MYZAP: variants seen among roughly 807,000 people sequenced by gnomAD.
MYZAP encodes the protein GRINL1A complex locus upstream.
A neutral mutation model predicts 69.4 loss-of-function variants in MYZAP; 66 were observed. The ratio of observed to expected loss-of-function variants is 0.95; its 90% CI spans 0.78 to 1.17. MYZAP has a LOEUF of 1.17. Among genes scored for constraint, MYZAP ranks in the 50% most tolerant of loss-of-function variants. The pLI is 0.00. For synonymous variants in MYZAP, 256 were observed against 205.9 expected (o/e 1.24, Z -2.09); for missense variants, 611 against 556.2 (o/e 1.10, Z -0.99).
intron 10 of MYZAP, chr15:57,648,612 T>C (rs1364425014): frequency 3.6e-6 from 1 of 276,730 alleles, no homozygotes; most frequent in Non-Finnish European, 5.5e-6. Flanking sequence ...ATGATGGTGC[T>C]GCACTACAGA....
At chr15:57,619,226 A>T (rs1405436816) in intron 3 of MYZAP, among the ~76,000 whole-genome samples, 3 of 152,272 alleles carry the variant, frequency 2.0e-5, no homozygotes, top group Non-Finnish European at 4.4e-5. Context: ...TTTAAAAAAT[A>T]ATAAATGCTT....
In MYZAP at chr15:57,637,762, C is replaced by G. The variant is rs765286776; in HGVS notation, c.1001C>G (p.Ser334Cys). Residue 334 changes from serine to cysteine, a missense_variant, in exon 9 of 13, where the codon TCT becomes TGT. Coordinates refer to ENST00000267853, the MANE Select transcript of MYZAP (RefSeq NM_001018100.5). The part of the protein sequence containing the change: ...ETEMSGELTD[S>C]DKERYQQLEE... ...GAAATGTCTGGGGAGTTAACTGATT[C>G]TGACAAGGAAAGGTAAGACGTAATG... is the stretch of plus-strand genomic sequence containing the variant. 1.2e-6 allele frequency: 2 copies of G among 1,610,846 alleles called. No homozygotes were observed. Among genetic ancestry groups the G allele is most frequent in the African/African-American group, 1.3e-5 (1 of 74,888 alleles).
Position 57,613,605 on chromosome 15 carries a change from A to AAGCAATCTGCCTGCCTTGGCCTCC in MYZAP, c.163-4427_163-4404dup, listed in dbSNP as rs533107752. 1.8e-3 allele frequency among the ~76,000 whole-genome samples: 278 copies of AAGCAATCTGCCTGCCTTGGCCTCC among 151,448 alleles called. 3 individuals are homozygous for AAGCAATCTGCCTGCCTTGGCCTCC. The highest frequency in any genetic ancestry group is 6.5e-3 in the African/African-American group (270 of 41,272). ...AGGCTGGTCTCAAATGCTTGGACTC[A>AAGCAATCTGCCTGCCTTGGCCTCC]AGCAATCTGCCTGCCTTGGCCTCCC... On this transcript the variant is annotated intron_variant, in intron 2 of 12. Coordinates refer to ENST00000267853, the MANE Select transcript of MYZAP (RefSeq NM_001018100.5).
intron 2 of MYZAP, among the ~76,000 whole-genome samples, chr15:57,611,140 C>T (rs1185171593): frequency 6.6e-6 from 1 of 152,142 alleles, no homozygotes; most frequent in Non-Finnish European, 1.5e-5. Context: ...GTGTTTTATT[C>T]TGTGTATTCT....
chr15:57,607,124 G>A (rs1299432349), intron 2 of MYZAP, among the ~76,000 whole-genome samples: 1 of 152,192 alleles, frequency 6.6e-6, no homozygotes, highest in African/African-American at 2.4e-5. Context: ...AACACTTTTT[G>A]AAGAAGTGGC....
chr15:57,644,097 G>A (rs1220482873), intron 10 of MYZAP, among the ~76,000 whole-genome samples: 1 of 152,196 alleles, frequency 6.6e-6, no homozygotes, highest in Non-Finnish European at 1.5e-5. Context: ...TGAGCATTGG[G>A]TTTTGTTTCG....
intron 10 of MYZAP, among the ~76,000 whole-genome samples, chr15:57,640,638 T>C (rs1354911458): frequency 1.3e-5 from 2 of 152,192 alleles, no homozygotes; most frequent in African/African-American, 4.8e-5. Context: ...TTGGGGATAT[T>C]AATGTTGGGG....
chr15:57,639,457 A>G lies in MYZAP; in HGVS notation c.1031A>G (p.Glu344Gly). The G allele has an allele frequency of 6.2e-7, 1 of 1,613,936 alleles. No homozygotes were observed. The highest frequency in any genetic ancestry group is 8.5e-7 in the Non-Finnish European group (1 of 1,179,940). ...TGTGTTAGGTATCAGCAGTTGGAGG[A>G]GGCATCAGCCAGCCTCCGTGAGCGG... The part of the protein sequence containing the change: ...SDKERYQQLE[E>G]ASASLRERIR... Residue 344 changes from glutamate (E) to glycine (G), a missense_variant, in exon 10 of 13, where the codon GAG becomes GGG. Glu to Gly is a moderately conservative substitution (Grantham distance 98, BLOSUM62 -2). Coordinates refer to ENST00000267853, the MANE Select transcript of MYZAP (RefSeq NM_001018100.5).
chr15:57,606,289 G>C (rs1595857877), intron 2 of MYZAP, among the ~76,000 whole-genome samples: 1 of 152,114 alleles, frequency 6.6e-6, no homozygotes, highest in African/African-American at 2.4e-5. Context: ...TCACCTAAGA[G>C]GTGCACATCA....
intron 10 of MYZAP, among the ~76,000 whole-genome samples, chr15:57,641,686 T>A (rs1374261374): frequency 6.6e-6 from 1 of 152,224 alleles, no homozygotes; most frequent in Middle Eastern, 3.2e-3. Context: ...CACTTTTTAT[T>A]CCTAATAATT....
At chr15:57,614,633 G>A (rs1445691619) in intron 2 of MYZAP, among the ~76,000 whole-genome samples, 2 of 152,214 alleles carry the variant, frequency 1.3e-5, no homozygotes, top group Non-Finnish European at 2.9e-5. Flanking sequence ...CAGGGGAAGT[G>A]GAAAGAGCCC....
chr15:57,654,113 T>A (rs1167884748), intron 10 of MYZAP, among the ~76,000 whole-genome samples: 1 of 150,766 alleles, frequency 6.6e-6, no homozygotes, highest in African/African-American at 2.4e-5. Context: ...CTGTGACCAT[T>A]CATTCTGACA....
At position 57,678,369 on chromosome 15, in the gene MYZAP, A is replaced by G. The variant is rs934877641; in HGVS notation, c.1304+3301A>G. Among the ~76,000 whole-genome samples, 6 of 152,336 alleles carry G rather than the reference A, an allele frequency of 3.9e-5. No homozygotes were observed. In the Middle Eastern group the frequency reaches 0.01, roughly 259 times the overall value. On this transcript the variant is annotated intron_variant, in intron 12 of 12. Coordinates refer to ENST00000267853, the MANE Select transcript of MYZAP (RefSeq NM_001018100.5). ...GGCAACAGAATGAGACCCCGTCTCAAATAAATAAAAATAAAAATGAAAGCA... is the reference window on the plus strand; with the variant it reads ...GGCAACAGAATGAGACCCCGTCTCAGATAAATAAAAATAAAAATGAAAGCA...
chr15:57,618,120 CAGAA>C lies in MYZAP; in HGVS notation c.256_259del (p.Glu86TrpfsTer11), dbSNP rs1324739883. On this transcript the variant is annotated frameshift_variant, in exon 3 of 13. Coordinates refer to ENST00000267853, the MANE Select transcript of MYZAP (RefSeq NM_001018100.5). LOFTEE classifies it high-confidence loss of function. ...GGTGCGAAGATCAGATCAAAATCAG[CAGAA>C]AGAAATGGTGGTGTATGGGTGGTCC... The C allele has an allele frequency of 6.2e-7, 1 of 1,614,088 alleles. No individual in the cohort carries two copies. Among genetic ancestry groups the C allele is most frequent in the Non-Finnish European group, 8.5e-7 (1 of 1,180,016 alleles).
At position 57,639,920 on chromosome 15, in the gene MYZAP, G is replaced by GTCTCTC. The variant is rs60801458; in HGVS notation, c.1119+388_1119+393dup. On this transcript the variant is annotated intron_variant, in intron 10 of 12. Transcript: ENST00000267853. ...GCACTGCCTCCACAGCCGTCTGTCT[G>GTCTCTC]TCTCTCTCTCTCTCTCTCAGCTACC... 7.7e-3 allele frequency among the ~76,000 whole-genome samples: 1,155 copies of GTCTCTC among 150,092 alleles called. 10 individuals carry two copies. The highest frequency in any genetic ancestry group is 0.05 in the South Asian group (234 of 4,720).
At position 57,591,958 on chromosome 15, in the gene MYZAP, C is replaced by A. The variant is rs2033689479; in HGVS notation, c.-77C>A. The A allele has an allele frequency of 8.1e-7, 1 of 1,241,264 alleles. No individual in the cohort carries two copies. The highest frequency in any genetic ancestry group is 1.0e-6 in the Non-Finnish European group (1 of 986,816). 76.9% of individuals were successfully genotyped at this position (1,241,264 alleles called of 1,614,324 possible). ...CCGGCGCCGTCCCGCGTCGCCCCCG[C>A]GCAGGGCGGGCCCCGCACGCTTATT... is the stretch of plus-strand genomic sequence containing the variant. On this transcript the variant is annotated 5_prime_UTR_variant, in exon 1 of 13. Transcript: ENST00000267853.
At chr15:57,631,864 G>A (rs959042466) in intron 6 of MYZAP, among the ~76,000 whole-genome samples, 2 of 152,188 alleles carry the variant, frequency 1.3e-5, no homozygotes, top group Non-Finnish European at 2.9e-5. Context: ...AATCAATGGC[G>A]GGAAGTCTGT....
chr15:57,616,822 C>CTTTTTTTTT lies in MYZAP; in HGVS notation c.163-1194_163-1186dup, dbSNP rs763856721. On this transcript the variant is annotated intron_variant, in intron 2 of 12. Coordinates refer to ENST00000267853, the MANE Select transcript of MYZAP (RefSeq NM_001018100.5). ...GAGACTCCATCTAAAAAAAAAAGTG[C>CTTTTTTTTT]TTTTTTTTTTTTTTTTTTTTTTTTT... Among the ~76,000 whole-genome samples, 33 of 50,060 alleles carry CTTTTTTTTT rather than the reference C, an allele frequency of 6.6e-4. 5 individuals are homozygous for CTTTTTTTTT. The highest frequency in any genetic ancestry group is 1.9e-3 in the East Asian group (2 of 1,026). The allele number at this position is 50,060 out of a possible 152,430, so 32.8% of individuals were successfully genotyped here.
At chr15:57,605,603 A>G (rs1416208083) in intron 2 of MYZAP, among the ~76,000 whole-genome samples, 2 of 152,190 alleles carry the variant, frequency 1.3e-5, no homozygotes, top group Non-Finnish European at 2.9e-5. Flanking sequence ...GCCTGTGCTG[A>G]TGCAAATGAT....
Sources: gnomAD v4.1 joint callset for allele counts (sites outside exome capture counted in the v4.1 genomes callset) on GRCh38, gnomAD v4.1.1 for gene constraint, MANE v1.5 for transcripts, NCBI Gene and HGNC (gene_info 2026-07-23, HGNC 2026-07-21) for gene names.